The following SETBP1 variants were observed in gnomAD, a reference collection of about 807,000 sequenced individuals.
SETBP1 encodes the protein SET-binding protein.
In SETBP1, 9 loss-of-function variants were observed where a neutral mutation model predicts 101.0. The ratio of observed to expected loss-of-function variants is 0.09; its 90% CI spans 0.05 to 0.16. The LOEUF is 0.16. Among genes scored for constraint, SETBP1 ranks in the 10% least tolerant of loss-of-function variants. The probability of loss-of-function intolerance (pLI) is 1.00; values close to 1 mark genes in which losing one functional copy is unlikely to be tolerated. For missense variants in SETBP1, 1,858 were observed against 2,033.8 expected (o/e 0.91, Z 1.66); for synonymous variants, 818 against 788.5 (o/e 1.04, Z -0.63).
rs1277152321 is a variant in SETBP1 at position 44,705,157 on chromosome 18, T to C, written c.486+3325T>C. ...GTATTGCCCCTGAGCAAATAATGTT[T>C]TTTACATTTTTAAAAGGTTGGGAAA... On this transcript the variant is annotated intron_variant, in intron 2 of 5. Coordinates refer to ENST00000649279, the MANE Select transcript of SETBP1 (RefSeq NM_015559.3). Among the ~76,000 whole-genome samples the C allele has an allele frequency of 3.9e-5, 6 of 152,222 alleles. No individual in the cohort carries two copies. The East Asian group carries it at 1.2e-3, about 29-fold the overall frequency.
At chr18:44,783,371 T>C (rs539371755) in intron 2 of SETBP1, among the ~76,000 whole-genome samples, 1 of 152,336 alleles carries the variant, frequency 6.6e-6, no homozygotes, top group South Asian at 2.1e-4. Flanking sequence ...AATCTGGGGT[T>C]GCTTCTTCCA....
chr18:44,726,535 G>C (rs2069710575), intron 2 of SETBP1, among the ~76,000 whole-genome samples: 1 of 152,146 alleles, frequency 6.6e-6, no homozygotes, highest in Non-Finnish European at 1.5e-5. Context: ...GTATATAAAA[G>C]AGGTAGTGTT....
chr18:44,824,931 C>T (rs546179874), intron 2 of SETBP1, among the ~76,000 whole-genome samples: 2 of 152,338 alleles, frequency 1.3e-5, no homozygotes, highest in African/African-American at 4.8e-5. Flanking sequence ...GCAGCCATGG[C>T]GACTGCTCCT....
Position 44,748,535 on chromosome 18 carries a change from G to C in SETBP1, c.486+46703G>C, listed in dbSNP as rs1246598614. On this transcript the variant is annotated intron_variant, in intron 2 of 5. Coordinates refer to ENST00000649279, the MANE Select transcript of SETBP1 (RefSeq NM_015559.3). The stretch of plus-strand genomic sequence containing the variant: ...CCTGATCGTGGTCAAACTTCAAGTA[G>C]CTCAAGAGGTCATGCTTTATGCAGT... 2.0e-5 allele frequency among the ~76,000 whole-genome samples: 3 copies of C among 152,200 alleles called. No homozygotes were observed. In the East Asian group the frequency reaches 5.8e-4, roughly 29 times the overall value.
At chr18:45,061,421 T>A (rs2073888874) in intron 5 of SETBP1, among the ~76,000 whole-genome samples, 1 of 152,204 alleles carries the variant, frequency 6.6e-6, no homozygotes, top group Admixed American at 6.5e-5. Context: ...CAAAACTAAC[T>A]ACAAAAATTT....
At chr18:44,711,951 G>A (rs2069357352) in intron 2 of SETBP1, among the ~76,000 whole-genome samples, 1 of 152,030 alleles carries the variant, frequency 6.6e-6, no homozygotes, top group Admixed American at 6.6e-5. Context: ...GAATTCCCAG[G>A]TTGTTGTATT....
chr18:45,004,524 G>T (rs1046196607), intron 4 of SETBP1, among the ~76,000 whole-genome samples: 1 of 152,184 alleles, frequency 6.6e-6, no homozygotes, highest in African/African-American at 2.4e-5. Flanking sequence ...TATCTTACCT[G>T]TGAGGAAACA....
chr18:45,015,788 T>C (rs1406763726), intron 4 of SETBP1, among the ~76,000 whole-genome samples: 1 of 152,142 alleles, frequency 6.6e-6, no homozygotes, highest in Admixed American at 6.5e-5. Flanking sequence ...CAGAGAAAAA[T>C]AGATCATAAG....
chr18:44,944,771 G>A (rs1183133685), intron 3 of SETBP1, among the ~76,000 whole-genome samples: 1 of 151,944 alleles, frequency 6.6e-6, no homozygotes, highest in Non-Finnish European at 1.5e-5. Flanking sequence ...ACAAAGTCAG[G>A]CTTCTTTTTT....
At chr18:45,006,625 CCCTGTGTACAGG>C (rs1322491304) in intron 4 of SETBP1, among the ~76,000 whole-genome samples, 2 of 152,134 alleles carry the variant, frequency 1.3e-5, no homozygotes, top group African/African-American at 4.8e-5. Flanking sequence ...ATGGCATTCG[CCCTGTGTACAGG>C]CCTGTGTCAA....
intron 4 of SETBP1, among the ~76,000 whole-genome samples, chr18:45,015,173 G>C (rs932833272): frequency 6.6e-6 from 1 of 152,212 alleles, no homozygotes; most frequent in Non-Finnish European, 1.5e-5. Flanking sequence ...AGAAGAGGGG[G>C]AGCCTCAACA....
At chr18:44,974,702 G>A (rs2071947950) in intron 4 of SETBP1, among the ~76,000 whole-genome samples, 1 of 152,246 alleles carries the variant, frequency 6.6e-6, no homozygotes, top group East Asian at 1.9e-4. Flanking sequence ...GAGAAAGGCA[G>A]TACATCTTTT....
chr18:44,772,550 G>A (rs1334745406), intron 2 of SETBP1, among the ~76,000 whole-genome samples: 2 of 152,130 alleles, frequency 1.3e-5, no homozygotes, highest in South Asian at 2.1e-4. Flanking sequence ...ATTTTCATAA[G>A]AGCGTAACCC....
intron 4 of SETBP1, among the ~76,000 whole-genome samples, chr18:45,008,074 C>A (rs1461716804): frequency 6.6e-6 from 1 of 152,136 alleles, no homozygotes; most frequent in African/African-American, 2.4e-5. Flanking sequence ...AATCAACAGC[C>A]CTCCAGTATA....
At chr18:44,848,498 C>T (rs1244891073) in intron 2 of SETBP1, among the ~76,000 whole-genome samples, 1 of 152,154 alleles carries the variant, frequency 6.6e-6, no homozygotes, top group Non-Finnish European at 1.5e-5. Flanking sequence ...GACATGTATA[C>T]ACATATCGTG....
chr18:44,846,727 C>T (rs2072731967), intron 2 of SETBP1, among the ~76,000 whole-genome samples: 1 of 152,216 alleles, frequency 6.6e-6, no homozygotes, highest in Non-Finnish European at 1.5e-5. Flanking sequence ...GAGTAATCTT[C>T]CAAAGCCTAG....
intron 1 of SETBP1, among the ~76,000 whole-genome samples, chr18:44,686,614 A>G (rs1598989140): frequency 6.6e-6 from 1 of 152,316 alleles, no homozygotes. Flanking sequence ...TTATTTATGA[A>G]TGATTTTTTG....
intron 3 of SETBP1, among the ~76,000 whole-genome samples, chr18:44,937,275 A>C (rs1599347351): frequency 6.6e-6 from 1 of 150,472 alleles, no homozygotes; most frequent in Non-Finnish European, 1.5e-5. Flanking sequence ...AAACGGTGAA[A>C]CCCCGTCTCT....
chr18:45,049,107 G>A (rs951275626), intron 5 of SETBP1, among the ~76,000 whole-genome samples: 21 of 150,836 alleles, frequency 1.4e-4, no homozygotes, highest in Admixed American at 7.3e-4. Flanking sequence ...TGAATAGATC[G>A]AATAACAATC....
Sources: allele counts gnomAD v4.1 joint callset (sites outside exome capture counted in the v4.1 genomes callset), GRCh38; gene constraint gnomAD v4.1.1; transcripts MANE v1.5; gene names NCBI Gene and HGNC (gene_info 2026-07-23, HGNC 2026-07-21).